CACNA2D3: variants seen among roughly 807,000 people sequenced by gnomAD.
The protein encoded by CACNA2D3 is voltage-dependent calcium channel subunit alpha-2/delta-3.
CACNA2D3 carries 60 observed loss-of-function variants against 160.6 expected under a neutral mutation model. That is an observed-to-expected ratio of 0.37 (90% CI 0.30 to 0.46). The LOEUF (loss-of-function observed/expected upper bound fraction) is 0.46, where lower values mean the gene tolerates loss of function less well. Among genes scored for constraint, CACNA2D3 ranks in the 20% least tolerant of loss-of-function variants. The probability of loss-of-function intolerance (pLI) is 1.00; values close to 1 mark genes in which losing one functional copy is unlikely to be tolerated. For synonymous variants in CACNA2D3, 558 were observed against 492.9 expected (o/e 1.13, Z -1.75); for missense variants, 1,205 against 1,365.0 (o/e 0.88, Z 1.85).
chr3:54,480,347 G>T (rs1302023765), intron 4 of CACNA2D3, among the ~76,000 whole-genome samples: 2 of 152,038 alleles, frequency 1.3e-5, no homozygotes, highest in African/African-American at 4.8e-5. Flanking sequence ...TGTTGAGATG[G>T]TTGCTTGGTA....
At chr3:54,919,002 T>G (rs1205092242) in intron 27 of CACNA2D3, 4 of 876,082 alleles carry the variant, frequency 4.6e-6, no homozygotes, top group Admixed American at 3.6e-5. Context: ...TACCTTTTTT[T>G]TTTTTAAATC....
rs143358563 is a variant in CACNA2D3 at position 54,187,456 on chromosome 3, A to T, written c.204+63862A>T. Among the ~76,000 whole-genome samples the T allele has an allele frequency of 8.3e-3, 1,257 of 152,258 alleles. 3 individuals carry two copies. The highest frequency in any genetic ancestry group is 0.031 in the Middle Eastern group (9 of 294). On this transcript the variant is annotated intron_variant, in intron 2 of 37. Coordinates refer to ENST00000474759, the MANE Select transcript of CACNA2D3 (RefSeq NM_018398.3). ...TCTTCAAGGAGAGCACATCTGAATA[A>T]AGGAAGTAGACACACAAACCCAGAA...
intron 9 of CACNA2D3, among the ~76,000 whole-genome samples, chr3:54,582,313 G>C (rs890113227): frequency 6.6e-6 from 1 of 152,168 alleles, no homozygotes; most frequent in Admixed American, 6.5e-5. Flanking sequence ...GGATAGGAAT[G>C]CTGTCTGCTC....
chr3:54,309,607 A>G (rs1350687274), intron 2 of CACNA2D3, among the ~76,000 whole-genome samples: 1 of 152,144 alleles, frequency 6.6e-6, no homozygotes, highest in Non-Finnish European at 1.5e-5. Flanking sequence ...ACTCTAAAAC[A>G]GCTAGTTGGG....
intron 35 of CACNA2D3, among the ~76,000 whole-genome samples, chr3:55,036,363 C>T (rs909730976): frequency 6.6e-6 from 1 of 152,156 alleles, no homozygotes; most frequent in Non-Finnish European, 1.5e-5. Context: ...AGGAGAATCA[C>T]TTGAACCTGG....
At chr3:54,508,444 G>A (rs1701407078) in intron 5 of CACNA2D3, among the ~76,000 whole-genome samples, 1 of 152,194 alleles carries the variant, frequency 6.6e-6, no homozygotes. Flanking sequence ...GGGCCCTAGA[G>A]AGCAAGCTCC....
At chr3:54,586,063 G>C (rs2106747025) in intron 9 of CACNA2D3, among the ~76,000 whole-genome samples, 1 of 152,152 alleles carries the variant, frequency 6.6e-6, no homozygotes, top group African/African-American at 2.4e-5. Context: ...AGGAAATCGA[G>C]ACCATCCTGG....
At chr3:54,528,684 T>A (rs913258138) in intron 5 of CACNA2D3, among the ~76,000 whole-genome samples, 2 of 152,204 alleles carry the variant, frequency 1.3e-5, no homozygotes, top group Non-Finnish European at 2.9e-5. Flanking sequence ...CGTGTGAACC[T>A]TTCCTCTAAT....
chr3:54,404,761 C>T (rs180793961), intron 4 of CACNA2D3, among the ~76,000 whole-genome samples: 27 of 152,084 alleles, frequency 1.8e-4, no homozygotes, highest in Admixed American at 1.6e-3. Flanking sequence ...GCTGTTAGAT[C>T]TCAATAAAGT....
intron 13 of CACNA2D3, among the ~76,000 whole-genome samples, chr3:54,775,125 C>T (rs558097459): frequency 6.6e-5 from 10 of 152,120 alleles, no homozygotes; most frequent in African/African-American, 9.7e-5. Flanking sequence ...CACAGCCAAA[C>T]GTTGAGAGAT....
chr3:54,579,860 AT>A (rs1167345307), intron 8 of CACNA2D3, among the ~76,000 whole-genome samples: 30 of 152,236 alleles, frequency 2.0e-4, no homozygotes, highest in African/African-American at 6.5e-4. Flanking sequence ...TCATAAATAT[AT>A]TTTTTCTCCA....
At chr3:54,380,127 A>G (rs1699075428) in intron 3 of CACNA2D3, among the ~76,000 whole-genome samples, 1 of 152,240 alleles carries the variant, frequency 6.6e-6, no homozygotes, top group Non-Finnish European at 1.5e-5. Flanking sequence ...TCTTAAATGG[A>G]TGATTTCTGA....
intron 2 of CACNA2D3, among the ~76,000 whole-genome samples, chr3:54,200,118 A>AC (rs1257045191): frequency 6.6e-6 from 1 of 152,240 alleles, no homozygotes; most frequent in Non-Finnish European, 1.5e-5. Context: ...CAGAGCAGAT[A>AC]CCATGACCTT....
At chr3:54,919,402 G>T (rs1253463741) in intron 27 of CACNA2D3, among the ~76,000 whole-genome samples, 2 of 152,238 alleles carry the variant, frequency 1.3e-5, no homozygotes, top group African/African-American at 4.8e-5. Context: ...CAAATGGAGA[G>T]GTGGAATGGT....
chr3:54,673,901 C>T (rs955434841), intron 11 of CACNA2D3, among the ~76,000 whole-genome samples: 1 of 152,196 alleles, frequency 6.6e-6, no homozygotes, highest in Non-Finnish European at 1.5e-5. Flanking sequence ...GCCCCTTCAC[C>T]TGCCAGCCTG....
chr3:54,675,267 G>A (rs145483768), intron 11 of CACNA2D3, among the ~76,000 whole-genome samples: 46 of 152,284 alleles, frequency 3.0e-4, no homozygotes, highest in African/African-American at 8.2e-4. Flanking sequence ...GCCAGATGGA[G>A]CATGAAGGTG....
intron 14 of CACNA2D3, among the ~76,000 whole-genome samples, chr3:54,827,410 T>C (rs1280135234): frequency 6.6e-6 from 1 of 152,240 alleles, no homozygotes; most frequent in Non-Finnish European, 1.5e-5. Flanking sequence ...GATAGATCAA[T>C]AAAAATGACT....
chr3:54,914,607 TAAA>T (rs764742527), intron 27 of CACNA2D3, among the ~76,000 whole-genome samples: 1 of 152,058 alleles, frequency 6.6e-6, no homozygotes, highest in Non-Finnish European at 1.5e-5. Context: ...AAAATTAAAA[TAAA>T]AAAGAATCTG....
intron 4 of CACNA2D3, among the ~76,000 whole-genome samples, chr3:54,417,548 CT>C (rs11293791): frequency 0.34 from 51,347 of 151,842 alleles, 8,985 homozygotes; most frequent in East Asian, 0.42. Context: ...TATGCTCATT[CT>C]TTTAGGAAAT....
Sources: allele counts gnomAD v4.1 joint callset (sites outside exome capture counted in the v4.1 genomes callset), GRCh38; gene constraint gnomAD v4.1.1; transcripts MANE v1.5; gene names NCBI Gene and HGNC (gene_info 2026-07-23, HGNC 2026-07-21).